The following THRB variants were observed in gnomAD, a reference collection of about 807,000 sequenced individuals.
The protein encoded by THRB is nuclear receptor subfamily 1 group A member 2.
A neutral mutation model predicts 47.8 loss-of-function variants in THRB; 12 were observed. That is an observed-to-expected ratio of 0.25 (90% CI 0.16 to 0.41). The LOEUF (loss-of-function observed/expected upper bound fraction) is 0.41. Among genes scored for constraint, THRB ranks in the 10% least tolerant of loss-of-function variants. THRB has a pLI of 1.00. For missense variants in THRB, 348 were observed against 589.2 expected (o/e 0.59, Z 4.24); for synonymous variants, 218 against 212.2 (o/e 1.03, Z -0.24).
At chr3:24,232,499 G>C (rs566438406) in intron 3 of THRB, among the ~76,000 whole-genome samples, 11 of 152,182 alleles carry the variant, frequency 7.2e-5, no homozygotes, top group Admixed American at 3.9e-4. Flanking sequence ...CAGACCTTTA[G>C]GCCCTTCTTT....
Position 24,238,941 on chromosome 3 carries a change from G to T in THRB, c.-42-9940C>A, listed in dbSNP as rs114432445. The stretch of plus-strand genomic sequence containing the variant: ...CTTTGTCTCCATTCTCACGCATTAG[G>T]TTCTTTTTTTTTTTTTTTGAGACAG... On this transcript the variant is annotated intron_variant, in intron 3 of 10. Coordinates refer to ENST00000646209, the MANE Select transcript of THRB (RefSeq NM_001354712.2). Among the ~76,000 whole-genome samples, 1,124 of 149,436 alleles carry T rather than the reference G, an allele frequency of 7.5e-3. 17 individuals carry two copies. Among genetic ancestry groups the T allele is most frequent in the African/African-American group, 0.026 (1,049 of 41,076 alleles).
intron 5 of THRB, among the ~76,000 whole-genome samples, chr3:24,174,632 C>T (rs1559512596): frequency 6.6e-6 from 1 of 152,222 alleles, no homozygotes; most frequent in Non-Finnish European, 1.5e-5. Flanking sequence ...CTACTTTCTA[C>T]TCTTATCTCT....
chr3:24,147,488 A>T (rs9825549), intron 6 of THRB, among the ~76,000 whole-genome samples: 2,253 of 152,228 alleles, frequency 0.015, 59 homozygotes, highest in African/African-American at 0.051. Flanking sequence ...TCCTTTTATA[A>T]CACTCTTTCT....
At chr3:24,411,180 A>C (rs909546156) in intron 1 of THRB, among the ~76,000 whole-genome samples, 3 of 151,844 alleles carry the variant, frequency 2.0e-5, no homozygotes, top group Non-Finnish European at 4.4e-5. Context: ...TAACTGGCTC[A>C]GACAGCCATG....
intron 1 of THRB, chr3:24,494,173 G>C (rs908416140): frequency 7.2e-5 from 11 of 152,334 alleles, no homozygotes; most frequent in African/African-American, 2.7e-4. Flanking sequence ...GGCGAAAAAG[G>C]GGGGATGGGA....
chr3:24,397,694 T>C (rs1436474257), intron 1 of THRB, among the ~76,000 whole-genome samples: 1 of 150,094 alleles, frequency 6.7e-6, no homozygotes, highest in Non-Finnish European at 1.5e-5. Context: ...GCGATTCTCC[T>C]GCCTCAGCCT....
intron 1 of THRB, among the ~76,000 whole-genome samples, chr3:24,374,758 T>C (rs1294995624): frequency 2.0e-5 from 3 of 152,102 alleles, no homozygotes; most frequent in Non-Finnish European, 4.4e-5. Context: ...TCACTGTCTT[T>C]TAAGATGATG....
rs1447359776 is a variant in THRB, at chr3:24,218,102, TA to T, written c.22+10835del. 2.7e-4 allele frequency among the ~76,000 whole-genome samples: 41 copies of T among 151,872 alleles called. 1 individual carries two copies. Among genetic ancestry groups the T allele is most frequent in the Admixed American group, 1.6e-3 (25 of 15,254 alleles). ...TAATACCGTGAAACCTCGTCTCTACTAAAAAATACAAAAAAACTAGCTGGGC... is the reference window on the plus strand; with the variant it reads ...TAATACCGTGAAACCTCGTCTCTACTAAAAATACAAAAAAACTAGCTGGGC... On this transcript the variant is annotated intron_variant, in intron 4 of 10. Transcript: ENST00000646209.
chr3:24,193,104 G>A (rs1030105486), intron 4 of THRB, among the ~76,000 whole-genome samples: 4 of 152,174 alleles, frequency 2.6e-5, no homozygotes, highest in African/African-American at 9.7e-5. Context: ...ATATACTGTT[G>A]TTGGTGAGAA....
chr3:24,345,868 T>C (rs1027656083), intron 1 of THRB, among the ~76,000 whole-genome samples: 3 of 152,116 alleles, frequency 2.0e-5, no homozygotes, highest in Non-Finnish European at 4.4e-5. Flanking sequence ...AGCGTATACA[T>C]ATGTCATAAT....
intron 2 of THRB, among the ~76,000 whole-genome samples, chr3:24,320,773 T>C (rs1226660852): frequency 1.3e-5 from 2 of 152,176 alleles, no homozygotes; most frequent in African/African-American, 4.8e-5. Context: ...AAGTGACTCA[T>C]TGAACTTACC....
At chr3:24,481,850 A>C (rs979340391) in intron 1 of THRB, among the ~76,000 whole-genome samples, 9 of 152,178 alleles carry the variant, frequency 5.9e-5, no homozygotes, top group African/African-American at 2.2e-4. Context: ...AAAAAAAAAA[A>C]AAAAATCCAG....
intron 2 of THRB, among the ~76,000 whole-genome samples, chr3:24,313,884 A>C (rs1201720048): frequency 6.6e-6 from 1 of 152,186 alleles, no homozygotes; most frequent in African/African-American, 2.4e-5. Context: ...CAAATTTGGA[A>C]TTAGACATTT....
At chr3:24,311,548 C>A (rs2057759703) in intron 2 of THRB, among the ~76,000 whole-genome samples, 1 of 152,188 alleles carries the variant, frequency 6.6e-6, no homozygotes, top group Non-Finnish European at 1.5e-5. Flanking sequence ...ATCTCCCTAT[C>A]TTTCCCTAAG....
chr3:24,208,468 C>T (rs1430504682), intron 4 of THRB, among the ~76,000 whole-genome samples: 1 of 152,172 alleles, frequency 6.6e-6, no homozygotes, highest in African/African-American at 2.4e-5. Context: ...GCTACAGTAA[C>T]CAAAACAGCA....
At position 24,117,621 on chromosome 3, in the gene THRB, C is replaced by T. The variant is rs544146118; in HGVS notation, c.*5263G>A. On this transcript the variant is annotated 3_prime_UTR_variant, in exon 11 of 11. Transcript: ENST00000646209. ...TCATCCTGGAGCTATTGGAGGCCACCGTAAGGTGAAAGGCCATGTGAATGT... is the reference window on the plus strand; with the variant it reads ...TCATCCTGGAGCTATTGGAGGCCACTGTAAGGTGAAAGGCCATGTGAATGT... 6.6e-6 allele frequency: 1 copy of T among 152,300 alleles called. No homozygotes were observed. Among genetic ancestry groups the T allele is most frequent in the African/African-American group, 2.4e-5 (1 of 41,554 alleles). 9.4% of individuals were successfully genotyped at this position (152,300 alleles called of 1,614,324 possible).
chr3:24,469,300 C>T (rs1453173161), intron 1 of THRB, among the ~76,000 whole-genome samples: 1 of 152,168 alleles, frequency 6.6e-6, no homozygotes, highest in African/African-American at 2.4e-5. Flanking sequence ...ACATAATGAG[C>T]TCAATACGTT....
At chr3:24,256,010 AC>A (rs914995761) in intron 3 of THRB, among the ~76,000 whole-genome samples, 1 of 152,184 alleles carries the variant, frequency 6.6e-6, no homozygotes, top group African/African-American at 2.4e-5. Flanking sequence ...GAAGAGGAGC[AC>A]CCACTATTTA....
intron 3 of THRB, among the ~76,000 whole-genome samples, chr3:24,254,198 CTAAAAAAAAAAAAAAAAAAAAA>C (rs2050978322): frequency 1.9e-5 from 1 of 52,614 alleles, no homozygotes; most frequent in African/African-American, 6.6e-5. Flanking sequence ...CCTGTCTCTA[CTAAAAAAAAAAAAAAAAAAAAA>C]AAAAAAAAAA....
Sources: gnomAD v4.1 joint callset for allele counts (sites outside exome capture counted in the v4.1 genomes callset) on GRCh38, gnomAD v4.1.1 for gene constraint, MANE v1.5 for transcripts, NCBI Gene and HGNC (gene_info 2026-07-23, HGNC 2026-07-21) for gene names.